GRAMD2B: variants seen among roughly 807,000 people sequenced by gnomAD.
The protein encoded by GRAMD2B is GRAM domain containing 2B, also known as GRAM domain-containing protein 2B.
A neutral mutation model predicts 59.2 loss-of-function variants in GRAMD2B; 41 were observed. The observed-to-expected ratio is 0.69, with a 90% CI of 0.54 to 0.90. The LOEUF (loss-of-function observed/expected upper bound fraction) is 0.90. GRAMD2B is among the 40% of genes least tolerant of loss of function. The pLI, the probability that GRAMD2B is intolerant of heterozygous loss-of-function variation, is 0.00. For missense variants in GRAMD2B, 424 were observed against 500.5 expected (o/e 0.85, Z 1.46); for synonymous variants, 161 against 182.7 (o/e 0.88, Z 0.96).
In GRAMD2B at chr5:126,487,279, C is replaced by T. The variant is rs534538581; in HGVS notation, c.1163+302C>T. ...TGACCTTGCCCCATTTATTAAACTACACAAGTTTACCTTAGTAAAATGGCA... is the reference window on the plus strand; with the variant it reads ...TGACCTTGCCCCATTTATTAAACTATACAAGTTTACCTTAGTAAAATGGCA... On this transcript the variant is annotated intron_variant, in intron 12 of 13. Coordinates refer to ENST00000285689, the MANE Select transcript of GRAMD2B (RefSeq NM_023927.4). Among the ~76,000 whole-genome samples, 8 of 152,088 alleles carry T rather than the reference C, an allele frequency of 5.3e-5. No individual in the cohort carries two copies. In the South Asian group the frequency reaches 1.2e-3, roughly 24 times the overall value.
At chr5:126,484,066 G>A (rs1433256667) in intron 9 of GRAMD2B, among the ~76,000 whole-genome samples, 1 of 152,158 alleles carries the variant, frequency 6.6e-6, no homozygotes, top group African/African-American at 2.4e-5. Flanking sequence ...CTGACCTCGT[G>A]ATCCACCCAC....
rs757987252 is a variant in GRAMD2B at position 126,466,253 on chromosome 5, GATT to G, written c.203+713_203+715del. On this transcript the variant is annotated intron_variant, in intron 2 of 13. Transcript: ENST00000285689. ...CTACTTCTTTTGGTCTTTGCTAAAA[GATT>G]ATTAACTCCGCTTTTTGCTTCCTTC... 300 of 1,550,034 alleles carry G rather than the reference GATT, an allele frequency of 1.9e-4. 1 individual carries two copies. In the East Asian group the frequency reaches 7.0e-3, roughly 36 times the overall value.
intron 1 of GRAMD2B, among the ~76,000 whole-genome samples, chr5:126,426,889 C>G (rs1006966439): frequency 2.6e-5 from 4 of 152,186 alleles, no homozygotes; most frequent in African/African-American, 9.7e-5. Context: ...ACACTCATCA[C>G]CGAACTGCAT....
At chr5:126,430,442 C>A (rs1761377656) in intron 1 of GRAMD2B, among the ~76,000 whole-genome samples, 1 of 152,118 alleles carries the variant, frequency 6.6e-6, no homozygotes, top group Non-Finnish European at 1.5e-5. Flanking sequence ...AAGTGATGCA[C>A]CATCACCATA....
chr5:126,374,794 A>C (rs1755045203), intron 1 of GRAMD2B, among the ~76,000 whole-genome samples: 1 of 152,182 alleles, frequency 6.6e-6, no homozygotes, highest in African/African-American at 2.4e-5. Flanking sequence ...TTTCGTCACT[A>C]ATCTGTAATG....
At chr5:126,410,995 A>G (rs1324423047) in intron 1 of GRAMD2B, among the ~76,000 whole-genome samples, 4 of 152,016 alleles carry the variant, frequency 2.6e-5, no homozygotes, top group South Asian at 2.1e-4. Context: ...AGTTCCTTCT[A>G]GATTCTGCAT....
chr5:126,445,345 C>T (rs1442643986), intron 1 of GRAMD2B: 3 of 152,178 alleles, frequency 2.0e-5, no homozygotes, highest in African/African-American at 7.2e-5. Flanking sequence ...TTCTCTGCAG[C>T]CTTGCCAGCA....
At chr5:126,427,186 T>A (rs1313223887) in intron 1 of GRAMD2B, among the ~76,000 whole-genome samples, 4 of 152,252 alleles carry the variant, frequency 2.6e-5, no homozygotes, top group Non-Finnish European at 5.9e-5. Context: ...TAGGAATACA[T>A]GTGCCATGTT....
At chr5:126,466,441 TTC>T (rs2126792103) in intron 2 of GRAMD2B, 27 of 693,216 alleles carry the variant, frequency 3.9e-5, no homozygotes, top group East Asian at 1.4e-4. Flanking sequence ...TTTTTTTTTT[TTC>T]CAGTCGGAGT....
At chr5:126,469,841 G>A in intron 3 of GRAMD2B, 53 bp downstream of exon 3, 2 of 1,339,302 alleles carry the variant, frequency 1.5e-6, no homozygotes, top group Non-Finnish European at 2.1e-6. Flanking sequence ...GGCTACTGAA[G>A]CCAGTGACAA....
upstream of GRAMD2B, among the ~76,000 whole-genome samples, chr5:126,369,480 G>A (rs1273784056): frequency 6.6e-6 from 1 of 152,120 alleles, no homozygotes; most frequent in Non-Finnish European, 1.5e-5. Flanking sequence ...AGCTAGTACA[G>A]AGAGTCAATA....
chr5:126,398,112 C>A (rs1239301442), intron 1 of GRAMD2B, among the ~76,000 whole-genome samples: 2 of 146,854 alleles, frequency 1.4e-5, no homozygotes, highest in African/African-American at 5.1e-5. Flanking sequence ...CAGCGTCAAC[C>A]TTCCAGGCTC....
At chr5:126,444,807 T>A (rs1763923700) in intron 1 of GRAMD2B, among the ~76,000 whole-genome samples, 2 of 152,204 alleles carry the variant, frequency 1.3e-5, no homozygotes, top group South Asian at 4.1e-4. Flanking sequence ...TGCCTAGGTA[T>A]TAAGTCCAGC....
At chr5:126,364,533 G>A (rs946641929) in intron 1 of GRAMD2B, among the ~76,000 whole-genome samples, 1 of 152,190 alleles carries the variant, frequency 6.6e-6, no homozygotes, top group African/African-American at 2.4e-5. Flanking sequence ...TTGCTGGTAC[G>A]TTTTCATTCT....
intron 1 of GRAMD2B, among the ~76,000 whole-genome samples, chr5:126,391,841 T>A (rs1756828015): frequency 6.6e-6 from 1 of 152,138 alleles, no homozygotes; most frequent in Non-Finnish European, 1.5e-5. Flanking sequence ...GTTACACAAT[T>A]CTGTTTGTGG....
intron 8 of GRAMD2B, among the ~76,000 whole-genome samples, chr5:126,481,208 AAAGAAAGAAAGAAAGAAAGAAAGAAAG>A (rs1771719636): frequency 1.5e-4 from 1 of 6,730 alleles, no homozygotes; most frequent in African/African-American, 3.5e-4. Context: ...AAAAAAAAAG[AAAGAAAGAAAGAAAGAAAGAAAGAAAG>A]AAAGAAAGAA....
At chr5:126,379,159 TGA>T (rs1755450109) in intron 1 of GRAMD2B, among the ~76,000 whole-genome samples, 1 of 152,166 alleles carries the variant, frequency 6.6e-6, no homozygotes, top group Non-Finnish European at 1.5e-5. Flanking sequence ...ATACGATATT[TGA>T]TTTTCCATTC....
At chr5:126,442,654 G>A (rs762356818) in intron 1 of GRAMD2B, among the ~76,000 whole-genome samples, 9 of 152,058 alleles carry the variant, frequency 5.9e-5, no homozygotes, top group Non-Finnish European at 1.2e-4. Context: ...ATTTTTCTGT[G>A]AGCCCCCTGC....
At chr5:126,419,021 C>T (rs928412803), upstream of GRAMD2B, among the ~76,000 whole-genome samples, 10 of 152,170 alleles carry the variant, frequency 6.6e-5, no homozygotes, top group African/African-American at 1.9e-4. Flanking sequence ...TATGCAAAAA[C>T]TTACAGGCAT....
Sources: allele counts gnomAD v4.1 joint callset (sites outside exome capture counted in the v4.1 genomes callset), GRCh38; gene constraint gnomAD v4.1.1; transcripts MANE v1.5; gene names NCBI Gene and HGNC (gene_info 2026-07-23, HGNC 2026-07-21).